ELMO1: variants seen among roughly 807,000 people sequenced by gnomAD.
The protein encoded by ELMO1 is engulfment and cell motility 1.
A neutral mutation model predicts 98.9 loss-of-function variants in ELMO1; 26 were observed. That is an observed-to-expected ratio of 0.26 (90% CI 0.19 to 0.36). The LOEUF is 0.36. Among genes scored for constraint, ELMO1 ranks in the 10% least tolerant of loss-of-function variants. The pLI, the probability that ELMO1 is intolerant of heterozygous loss-of-function variation, is 1.00. For synonymous variants in ELMO1, 346 were observed against 346.0 expected, an observed-to-expected ratio of 1.00 and a Z score of 0.00; for missense variants, 627 against 935.2, an observed-to-expected ratio of 0.67 and a Z score of 4.30.
At chr7:37,387,699 A>G (rs142653728) in intron 1 of ELMO1, among the ~76,000 whole-genome samples, 1 of 152,348 alleles carries the variant, frequency 6.6e-6, no homozygotes, top group Non-Finnish European at 1.5e-5. Context: ...GTGGGAAACC[A>G]GATGTCTGTT....
intron 1 of ELMO1, among the ~76,000 whole-genome samples, chr7:37,424,539 A>G (rs1364035038): frequency 6.6e-6 from 1 of 152,214 alleles, no homozygotes; most frequent in Non-Finnish European, 1.5e-5. Flanking sequence ...AGAATTTGTC[A>G]ATATTAGCAA....
At chr7:37,173,030 T>C (rs922522537) in intron 13 of ELMO1, among the ~76,000 whole-genome samples, 1 of 152,216 alleles carries the variant, frequency 6.6e-6, no homozygotes, top group Non-Finnish European at 1.5e-5. Context: ...AAGAACCTTC[T>C]GTTATAGTAA....
intron 16 of ELMO1, among the ~76,000 whole-genome samples, chr7:36,921,890 T>G (rs2129075171): frequency 6.6e-6 from 1 of 152,334 alleles, no homozygotes; most frequent in Non-Finnish European, 1.5e-5. Context: ...AAATAATACC[T>G]AAGAGTGGTA....
At chr7:37,285,577 A>C (rs764313876) in intron 4 of ELMO1, among the ~76,000 whole-genome samples, 163 of 152,220 alleles carry the variant, frequency 1.1e-3, no homozygotes, top group Admixed American at 2.6e-3. Flanking sequence ...AAATAGCAAA[A>C]TTGCACCAAA....
At chr7:36,902,950 C>T (rs1467347887) in intron 16 of ELMO1, among the ~76,000 whole-genome samples, 3 of 152,176 alleles carry the variant, frequency 2.0e-5, no homozygotes, top group Non-Finnish European at 4.4e-5. Context: ...TTCAACTGTG[C>T]CCCTTCCAGC....
At chr7:37,135,493 C>T (rs1241802818) in intron 13 of ELMO1, among the ~76,000 whole-genome samples, 1 of 152,196 alleles carries the variant, frequency 6.6e-6, no homozygotes, top group East Asian at 1.9e-4. Context: ...CCTGCTAACT[C>T]CACTGAAGCA....
At chr7:37,035,753 T>A (rs1795140479) in intron 15 of ELMO1, among the ~76,000 whole-genome samples, 1 of 152,220 alleles carries the variant, frequency 6.6e-6, no homozygotes, top group Admixed American at 6.5e-5. Context: ...AAAAGAGAAC[T>A]ATGAGAGATC....
chr7:37,104,504 G>C (rs921907413), intron 14 of ELMO1, among the ~76,000 whole-genome samples: 1 of 152,234 alleles, frequency 6.6e-6, no homozygotes, highest in East Asian at 1.9e-4. Context: ...GAGAGAGTTA[G>C]AAAAGGATTT....
chr7:37,203,384 G>C (rs940133969), intron 13 of ELMO1, among the ~76,000 whole-genome samples: 4 of 152,222 alleles, frequency 2.6e-5, no homozygotes, highest in Middle Eastern at 3.2e-3. Context: ...AGTTGGAAGA[G>C]TGATGTCTTT....
chr7:37,239,143 T>C (rs1015264566), intron 7 of ELMO1, among the ~76,000 whole-genome samples: 18 of 152,044 alleles, frequency 1.2e-4, no homozygotes, highest in Non-Finnish European at 1.9e-4. Flanking sequence ...GTTATTGTTG[T>C]ATGAAGGTTT....
intron 13 of ELMO1, among the ~76,000 whole-genome samples, chr7:37,209,411 A>G (rs1416970586): frequency 1.3e-5 from 2 of 152,206 alleles, no homozygotes; most frequent in Non-Finnish European, 2.9e-5. Flanking sequence ...GAGGCAGCAC[A>G]TGGAAAGAAT....
chr7:37,058,992 C>G (rs760800051), intron 15 of ELMO1, among the ~76,000 whole-genome samples: 1 of 152,126 alleles, frequency 6.6e-6, no homozygotes, highest in South Asian at 2.1e-4. Flanking sequence ...TCGCCACACA[C>G]GAGGCATCCC....
At position 37,104,177 on chromosome 7, in the gene ELMO1, G is replaced by A. The variant is rs117812903; in HGVS notation, c.1192-7450C>T. Among the ~76,000 whole-genome samples the A allele has an allele frequency of 3.9e-3, 598 of 152,052 alleles. 17 individuals carry two copies. The East Asian group carries it at 0.082, about 21-fold the overall frequency. ...TCTAATCACATTGTCCAAATGCTAC[G>A]ACAACAACCTGTTGAGAAACATCCA... On this transcript the variant is annotated intron_variant, in intron 14 of 21. Transcript: ENST00000310758.
At chr7:36,966,283 G>A (rs982726609) in intron 16 of ELMO1, among the ~76,000 whole-genome samples, 9 of 152,118 alleles carry the variant, frequency 5.9e-5, no homozygotes, top group South Asian at 4.1e-4. Flanking sequence ...TACCTTGGCC[G>A]TATTCCCATT....
chr7:36,938,799 G>C lies in ELMO1; in HGVS notation c.1438-43782C>G, dbSNP rs1786769171. Among the ~76,000 whole-genome samples, 3 of 150,416 alleles carry C rather than the reference G, an allele frequency of 2.0e-5. No homozygotes were observed. In the South Asian group the frequency reaches 6.4e-4, roughly 32 times the overall value. ...CATCAATGGCTACCTAGAATGTAAG[G>C]TCCATGAGAGAGATTTTTTTGTCTA... On this transcript the variant is annotated intron_variant, in intron 16 of 21. Coordinates refer to ENST00000310758, the MANE Select transcript of ELMO1 (RefSeq NM_014800.11).
Position 37,342,818 on chromosome 7 carries a change from G to A in ELMO1, c.-73-55C>T, listed in dbSNP as rs1562630043. The A allele has an allele frequency of 1.1e-5, 9 of 840,208 alleles. No homozygotes were observed. The highest frequency in any genetic ancestry group is 1.8e-5 in the African/African-American group (1 of 56,422). 52.0% of individuals were successfully genotyped at this position (840,208 alleles called of 1,614,324 possible). On this transcript the variant is annotated intron_variant, in intron 1 of 21. Transcript: ENST00000310758. The surrounding 1 kb of genome is among the most constrained non-coding windows in gnomAD (Gnocchi z 4.3). ...AAGTCACTCAGTGCAGATGCAGGGT[G>A]AATTTTGCTTCATCACTTCCTGTTT...
intron 1 of ELMO1, among the ~76,000 whole-genome samples, chr7:37,399,331 T>C (rs1217873092): frequency 2.6e-5 from 4 of 152,030 alleles, no homozygotes; most frequent in Non-Finnish European, 5.9e-5. Flanking sequence ...TCAATTTAAG[T>C]TTTAGGTTTT....
intron 1 of ELMO1, among the ~76,000 whole-genome samples, chr7:37,416,501 T>C (rs1037755942): frequency 6.6e-6 from 1 of 152,174 alleles, no homozygotes; most frequent in Non-Finnish European, 1.5e-5. Context: ...GGAGCAGGCT[T>C]GTCCATGCAC....
At chr7:37,395,171 G>A (rs1307976912) in intron 1 of ELMO1, among the ~76,000 whole-genome samples, 1 of 151,956 alleles carries the variant, frequency 6.6e-6, no homozygotes, top group East Asian at 1.9e-4. Flanking sequence ...TTTGAGACCA[G>A]CCTGACCAAC....
Sources: gnomAD v4.1 joint callset for allele counts (sites outside exome capture counted in the v4.1 genomes callset) on GRCh38, gnomAD v4.1.1 for gene constraint, Gnocchi (gnomAD v3.1) non-coding constraint, MANE v1.5 for transcripts, NCBI Gene and HGNC (gene_info 2026-07-23, HGNC 2026-07-21) for gene names.